Variants in ADAM20 observed in about 807,000 individuals in gnomAD.
ADAM20 encodes disintegrin and metalloproteinase domain-containing protein 20.
For synonymous variants in ADAM20, 305 were observed against 310.2 expected (o/e 0.98, Z 0.18); for missense variants, 871 against 883.2 (o/e 0.99, Z 0.18).
the ADAM20 span, among the ~76,000 whole-genome samples, chr14:70,574,920 A>T: frequency 6.6e-6 from 1 of 152,082 alleles, no homozygotes; most frequent in East Asian, 1.9e-4. Flanking sequence ...TATGCTAAGT[A>T]AAAAAAGCCA....
intron 1 of ADAM20, among the ~76,000 whole-genome samples, chr14:70,530,054 G>A (rs1023578309): frequency 2.6e-5 from 4 of 152,156 alleles, no homozygotes; most frequent in East Asian, 1.9e-4. Flanking sequence ...AGGCCAAGGC[G>A]GGTGGATCAC....
rs559040638 is a variant in ADAM20, at chr14:70,524,236, C to A, written c.522G>T (p.Gly174=). The change falls in exon 2 of 2, where the codon GGG becomes GGT. Residue 174 remains glycine (G), a synonymous_variant. Coordinates refer to ENST00000256389, the MANE Select transcript of ADAM20 (RefSeq NM_003814.5). ...DDTQFPPMRC[G]LTEEKIAHQM... ...GGTGTGCTATTTTCTCTTCTGTTAA[C>A]CCACATCTCATAGGTGGAAACTGTG... 1.4e-5 allele frequency: 22 copies of A among 1,613,960 alleles called. No individual in the cohort carries two copies. In the African/African-American group the frequency reaches 2.4e-4, roughly 18 times the overall value.
the ADAM20 span, among the ~76,000 whole-genome samples, chr14:70,555,298 A>G: frequency 2.0e-5 from 3 of 152,236 alleles, no homozygotes; most frequent in Non-Finnish European, 4.4e-5. Context: ...TGAAATGATA[A>G]CTGTGTGAGA....
At chr14:70,541,680 CAG>C in the ADAM20 span, among the ~76,000 whole-genome samples, 1 of 152,096 alleles carries the variant, frequency 6.6e-6, no homozygotes, top group East Asian at 1.9e-4. Context: ...GAAGCACTGT[CAG>C]ATATAAAATA....
At chr14:70,574,915 T>C in the ADAM20 span, among the ~76,000 whole-genome samples, 2 of 151,780 alleles carry the variant, frequency 1.3e-5, no homozygotes, top group African/African-American at 4.8e-5. Context: ...GGCATTATGC[T>C]AAGTAAAAAA....
At chr14:70,552,981 A>G in the ADAM20 span, among the ~76,000 whole-genome samples, 1 of 53,960 alleles carries the variant, frequency 1.9e-5, no homozygotes, top group Non-Finnish European at 3.5e-5. Flanking sequence ...ATGCAGCCAT[A>G]AAAAATGATG....
Position 70,524,898 on chromosome 14 carries a change from G to A in ADAM20, c.-141C>T. On this transcript the variant is annotated 5_prime_UTR_variant, in exon 2 of 2. Coordinates refer to ENST00000256389, the MANE Select transcript of ADAM20 (RefSeq NM_003814.5). ...ATCTGGGGATCTGTGTCCTGGTGGAGCTGGACCATCAGAGCTGCAGTGCTG... is the reference window on the plus strand; with the variant it reads ...ATCTGGGGATCTGTGTCCTGGTGGAACTGGACCATCAGAGCTGCAGTGCTG... The A allele has an allele frequency of 6.2e-7, 1 of 1,608,540 alleles. No homozygotes were observed. The highest frequency in any genetic ancestry group is 8.5e-7 in the Non-Finnish European group (1 of 1,177,494).
chr14:70,523,236 A>C lies in ADAM20; in HGVS notation c.1522T>G (p.Cys508Gly). Residue 508 changes from cysteine (C) to glycine (G), a missense_variant, in exon 2 of 2, where the codon TGT (cysteine) becomes GGT (glycine). By Grantham distance (159) the Cys-to-Gly change is radical. Coordinates refer to ENST00000256389, the MANE Select transcript of ADAM20 (RefSeq NM_003814.5). ...TTACATTGTATATCATGGTTATTACACGTCTTTTCATAGCAGAAGGCATTC... is the reference window on the plus strand; with the variant it reads ...TTACATTGTATATCATGGTTATTACCCGTCTTTTCATAGCAGAAGGCATTC... Reference protein sequence around the residue: ...NVNAFCYEKTCNNHDIQCKEI... With the variant: ...NVNAFCYEKTGNNHDIQCKEI... The C allele has an allele frequency of 1.2e-6, 2 of 1,613,928 alleles. No homozygotes were observed. Among genetic ancestry groups the C allele is most frequent in the Non-Finnish European group, 8.5e-7 (1 of 1,179,914 alleles).
At chr14:70,546,079 T>A in the ADAM20 span, among the ~76,000 whole-genome samples, 1,310 of 152,238 alleles carry the variant, frequency 8.6e-3, 9 homozygotes, top group South Asian at 0.031. Flanking sequence ...CATGTGGAAA[T>A]TCGACAATAA....
At chr14:70,526,503 T>A (rs1446668269) in intron 1 of ADAM20, among the ~76,000 whole-genome samples, 1 of 152,170 alleles carries the variant, frequency 6.6e-6, no homozygotes, top group East Asian at 1.9e-4. Context: ...TCATAGAGTT[T>A]GGAACATTAA....
At chr14:70,554,699 T>C in the ADAM20 span, among the ~76,000 whole-genome samples, 1 of 152,264 alleles carries the variant, frequency 6.6e-6, no homozygotes, top group Non-Finnish European at 1.5e-5. Flanking sequence ...GAATCTAAAA[T>C]AGACTCACAG....
rs747619411 is a variant in ADAM20, at chr14:70,524,257, CTG to C, written c.499_500del (p.Gln167ValfsTer24). The C allele has an allele frequency of 3.7e-6, 6 of 1,613,902 alleles. No individual in the cohort carries two copies. The African/African-American group carries it at 4.0e-5, about 11-fold the overall frequency. On this transcript the variant is annotated frameshift_variant, in exon 2 of 2. Transcript: ENST00000256389. LOFTEE classifies it low-confidence loss of function (END_TRUNC). The part of the protein sequence containing the change: ...LVYKIDSDDT[Q>X]FPPMRCGLTE... ...TTAACCCACATCTCATAGGTGGAAA[CTG>C]TGTATCATCACTGTCTATCTTATAT...
chr14:70,575,510 A>G, the ADAM20 span, among the ~76,000 whole-genome samples: 1 of 152,178 alleles, frequency 6.6e-6, no homozygotes, highest in African/African-American at 2.4e-5. Context: ...ACAAAAGAAC[A>G]CACAAAAAAA....
chr14:70,524,209 C>G lies in ADAM20; in HGVS notation c.549G>C (p.Gln183His). 6.2e-7 allele frequency: 1 copy of G among 1,613,946 alleles called. No homozygotes were observed. The highest frequency in any genetic ancestry group is 8.5e-7 in the Non-Finnish European group (1 of 1,179,938). ...CGLTEEKIAH[Q>H]MELQLSYNFT... ...AATTATATGACAATTGCAACTCCAT[C>G]TGGTGTGCTATTTTCTCTTCTGTTA... The change falls in exon 2 of 2, where the codon CAG becomes CAC. Residue 183 changes from glutamine to histidine, a missense_variant. Physicochemically the swap from Gln to His is conservative, Grantham distance 24 (BLOSUM62 0). Coordinates refer to ENST00000256389, the MANE Select transcript of ADAM20 (RefSeq NM_003814.5).
At chr14:70,557,396 TCAAA>T in the ADAM20 span, 1 of 152,228 alleles carries the variant, frequency 6.6e-6, no homozygotes, top group Non-Finnish European at 1.5e-5. Context: ...TGGAAGAAGC[TCAAA>T]CAGTGGTTCA....
the ADAM20 span, among the ~76,000 whole-genome samples, chr14:70,558,221 A>G: frequency 6.6e-6 from 1 of 152,212 alleles, no homozygotes; most frequent in African/African-American, 2.4e-5. Flanking sequence ...AGGGACAAAA[A>G]TTATAAAGAG....
the ADAM20 span, among the ~76,000 whole-genome samples, chr14:70,564,595 A>G: frequency 6.6e-6 from 1 of 152,172 alleles, no homozygotes; most frequent in African/African-American, 2.4e-5. Context: ...TGAAAATGGG[A>G]ATTTTCAAAT....
At chr14:70,536,445 A>ATG (rs1883833706), upstream of ADAM20, among the ~76,000 whole-genome samples, 1 of 134,256 alleles carries the variant, frequency 7.4e-6, no homozygotes, top group Non-Finnish European at 1.5e-5. Flanking sequence ...CAGCCTGGGC[A>ATG]ACAGAGCAAA....
chr14:70,528,930 A>G (rs1595019734), intron 1 of ADAM20, among the ~76,000 whole-genome samples: 1 of 148,836 alleles, frequency 6.7e-6, no homozygotes, highest in South Asian at 2.2e-4. Context: ...AAACTGTTAC[A>G]AGAGACAAAA....
Sources: allele counts gnomAD v4.1 joint callset (sites outside exome capture counted in the v4.1 genomes callset), GRCh38; gene constraint gnomAD v4.1.1; transcripts MANE v1.5; gene names NCBI Gene and HGNC (gene_info 2026-07-23, HGNC 2026-07-21).